Variants in TAF4B observed in about 807,000 individuals in gnomAD.
TAF4B encodes the protein TATA-box binding protein associated factor 4b.
TAF4B carries 38 observed loss-of-function variants against 86.4 expected under a neutral mutation model. That is an observed-to-expected ratio of 0.44 (90% CI 0.34 to 0.58). The LOEUF (loss-of-function observed/expected upper bound fraction) is 0.58, where lower values mean the gene tolerates loss of function less well. Ranked by LOEUF, TAF4B falls within the 20% of genes least tolerant of loss-of-function variation. The probability of loss-of-function intolerance (pLI) is 0.02; values close to 1 mark genes in which losing one functional copy is unlikely to be tolerated. For synonymous variants in TAF4B, 388 were observed against 391.2 expected (o/e 0.99, Z 0.10); for missense variants, 988 against 1,027.6 (o/e 0.96, Z 0.53).
chr18:26,243,615 G>A (rs1253324739), intron 1 of TAF4B, among the ~76,000 whole-genome samples: 4 of 152,172 alleles, frequency 2.6e-5, no homozygotes, highest in Non-Finnish European at 4.4e-5. Flanking sequence ...GTCCAGCTTC[G>A]TTCCATTGCT....
intron 14 of TAF4B, among the ~76,000 whole-genome samples, chr18:26,376,948 TC>T (rs1352398043): frequency 6.6e-6 from 1 of 152,158 alleles, no homozygotes; most frequent in Non-Finnish European, 1.5e-5. Flanking sequence ...TGCTTTTTTT[TC>T]CCCTTTATCT....
At chr18:26,237,964 G>A (rs1019999148) in intron 1 of TAF4B, among the ~76,000 whole-genome samples, 12 of 152,162 alleles carry the variant, frequency 7.9e-5, no homozygotes, top group Admixed American at 2.0e-4. Context: ...TACCCCTGCC[G>A]AAGAACCTGC....
intron 10 of TAF4B, among the ~76,000 whole-genome samples, chr18:26,319,910 A>G (rs2056947813): frequency 1.3e-5 from 2 of 152,142 alleles, no homozygotes; most frequent in Non-Finnish European, 2.9e-5. Context: ...GTTTTATTAA[A>G]GTAGAGTTGA....
At chr18:26,342,831 AC>A (rs770763386) in intron 13 of TAF4B, among the ~76,000 whole-genome samples, 10 of 152,090 alleles carry the variant, frequency 6.6e-5, no homozygotes, top group Non-Finnish European at 1.3e-4. Flanking sequence ...AACCTCCCAA[AC>A]CTGTTTGGTC....
At chr18:26,292,512 A>G (rs2056605657) in intron 8 of TAF4B, 131 bp downstream of exon 8, 3 of 967,368 alleles carry the variant, frequency 3.1e-6, no homozygotes, top group Non-Finnish European at 4.5e-6. Context: ...GAGAGAAAAC[A>G]GAAAGATAAT....
intron 12 of TAF4B, among the ~76,000 whole-genome samples, chr18:26,329,954 G>A (rs1336393364): frequency 6.6e-6 from 1 of 152,078 alleles, no homozygotes; most frequent in Non-Finnish European, 1.5e-5. Context: ...ACAGGCACAT[G>A]CCACCACACC....
chr18:26,275,912 A>T (rs2056377730), intron 5 of TAF4B, among the ~76,000 whole-genome samples: 1 of 151,490 alleles, frequency 6.6e-6, no homozygotes, highest in Non-Finnish European at 1.5e-5. Context: ...GCTACTTGGA[A>T]GGCTGAGGCA....
chr18:26,365,258 C>T (rs530825492), intron 14 of TAF4B, among the ~76,000 whole-genome samples: 23 of 152,276 alleles, frequency 1.5e-4, no homozygotes, highest in African/African-American at 5.1e-4. Context: ...CTGCCCTCCT[C>T]AGCCTCCCAA....
intron 3 of TAF4B, among the ~76,000 whole-genome samples, chr18:26,268,109 T>G (rs960472359): frequency 1.3e-5 from 2 of 152,176 alleles, no homozygotes; most frequent in African/African-American, 4.8e-5. Flanking sequence ...ATGTGGACTT[T>G]CCTGGGAAAG....
At chr18:26,303,466 A>C (rs1432662255) in intron 9 of TAF4B, among the ~76,000 whole-genome samples, 230 of 11,742 alleles carry the variant, frequency 0.02, no homozygotes, top group Admixed American at 0.031. Context: ...CCACTTTCAT[A>C]CCCCCTCCAC....
At chr18:26,337,475 G>A (rs2057102504) in intron 13 of TAF4B, among the ~76,000 whole-genome samples, 1 of 145,260 alleles carries the variant, frequency 6.9e-6, no homozygotes, top group Non-Finnish European at 1.5e-5. Flanking sequence ...CCAGGCTGGA[G>A]TGCAGTGGCA....
chr18:26,229,617 C>T (rs2055633353), intron 1 of TAF4B, among the ~76,000 whole-genome samples: 1 of 151,506 alleles, frequency 6.6e-6, no homozygotes, highest in Admixed American at 6.6e-5. Flanking sequence ...ATTCTCCCGT[C>T]TCAGCCTCCC....
At chr18:26,355,545 T>C (rs1419332869) in intron 13 of TAF4B, among the ~76,000 whole-genome samples, 1 of 152,222 alleles carries the variant, frequency 6.6e-6, no homozygotes, top group Non-Finnish European at 1.5e-5. Flanking sequence ...ATGAAAACTA[T>C]GGTCAGTTTC....
In TAF4B at chr18:26,229,978, T is replaced by TACACAC. The variant is rs766665964; in HGVS notation, c.343+2714_343+2719dup. 3.1e-4 allele frequency among the ~76,000 whole-genome samples: 47 copies of TACACAC among 150,902 alleles called. 1 individual carries two copies. Among genetic ancestry groups the TACACAC allele is most frequent in the African/African-American group, 1.0e-3 (43 of 41,112 alleles). On this transcript the variant is annotated intron_variant, in intron 1 of 14. Transcript: ENST00000269142. The stretch of plus-strand genomic sequence containing the variant: ...TTTAAAAAAAAAATATATATATATA[T>TACACAC]ACACACACACACACACATATACATA...
At chr18:26,332,133 T>C (rs2057055007) in intron 12 of TAF4B, among the ~76,000 whole-genome samples, 1 of 152,186 alleles carries the variant, frequency 6.6e-6, no homozygotes. Flanking sequence ...TCTACTCTCT[T>C]AGAAAGTTGC....
chr18:26,239,807 G>C (rs2055808747), intron 1 of TAF4B, among the ~76,000 whole-genome samples: 1 of 152,070 alleles, frequency 6.6e-6, no homozygotes, highest in Admixed American at 6.6e-5. Flanking sequence ...TCTACATATG[G>C]CTAGCCAGTT....
At chr18:26,273,665 T>C (rs1203188923) in intron 3 of TAF4B, among the ~76,000 whole-genome samples, 1 of 152,148 alleles carries the variant, frequency 6.6e-6, no homozygotes, top group African/African-American at 2.4e-5. Flanking sequence ...AAAGTGCTGG[T>C]ATTGTAAGTG....
intron 6 of TAF4B, among the ~76,000 whole-genome samples, chr18:26,282,721 A>C (rs551883275): frequency 1.0e-3 from 154 of 152,364 alleles, no homozygotes; most frequent in Non-Finnish European, 1.6e-3. Context: ...TCTCTGTAGC[A>C]TGCAGTGCTG....
chr18:26,256,003 A>G (rs2056078734), intron 1 of TAF4B: 3 of 1,290,436 alleles, frequency 2.3e-6, no homozygotes, highest in Middle Eastern at 2.6e-4. Context: ...GAGCATCAGA[A>G]TTACGATGTT....
Sources: gnomAD v4.1 joint callset for allele counts (sites outside exome capture counted in the v4.1 genomes callset) on GRCh38, gnomAD v4.1.1 for gene constraint, MANE v1.5 for transcripts, NCBI Gene and HGNC (gene_info 2026-07-23, HGNC 2026-07-21) for gene names.